Variants in ICA1L observed in about 807,000 individuals in gnomAD.
ICA1L encodes the protein islet cell autoantigen 1-like protein.
A neutral mutation model predicts 61.3 loss-of-function variants in ICA1L; 50 were observed. The ratio of observed to expected loss-of-function variants is 0.82; its 90% CI spans 0.65 to 1.03. ICA1L has a LOEUF of 1.03. Among genes scored for constraint, ICA1L ranks in the 50% least tolerant of loss-of-function variants. The pLI is 0.00. For missense variants in ICA1L, 508 were observed against 556.7 expected, an observed-to-expected ratio of 0.91 and a Z score of 0.88; for synonymous variants, 161 against 191.3, an observed-to-expected ratio of 0.84 and a Z score of 1.31.
chr2:202,796,806 TTTCTA>T, intron 10 of ICA1L, 79 bp downstream of exon 10: 1 of 784,804 alleles, frequency 1.3e-6, no homozygotes, highest in African/African-American at 1.7e-5. Context: ...ACCCAGACAG[TTTCTA>T]ATGTTAAGGA....
chr2:202,781,952 T>C (rs1692420662), intron 12 of ICA1L, among the ~76,000 whole-genome samples: 1 of 152,232 alleles, frequency 6.6e-6, no homozygotes, highest in Non-Finnish European at 1.5e-5. Context: ...TTAGCCATTG[T>C]AATAGGTAGG....
intron 1 of ICA1L, among the ~76,000 whole-genome samples, chr2:202,842,835 AT>A (rs1294531748): frequency 6.6e-6 from 1 of 151,986 alleles, no homozygotes; most frequent in Admixed American, 6.6e-5. Context: ...TCTAAGCTTC[AT>A]TTTTTCTTCT....
Position 202,828,969 on chromosome 2 carries a change from G to C in ICA1L, c.41C>G (p.Ser14Ter). ...FGQPRPEDNQ[S>*]VVRRMQKKYW... The stretch of plus-strand genomic sequence containing the variant: ...TTTCTTTTGCATTCTTCTGACTACT[G>C]ACTGATTATCTTCTGGTCTGGGTTG... Residue 14 changes from serine (S) to a stop codon, truncating the protein, a stop_gained, in exon 2 of 13, where the codon TCA (serine) becomes TGA (stop). Transcript: ENST00000358299. LOFTEE classifies it high-confidence loss of function. 1 of 1,605,936 alleles carries C rather than the reference G, an allele frequency of 6.2e-7. No homozygotes were observed. The highest frequency in any genetic ancestry group is 8.5e-7 in the Non-Finnish European group (1 of 1,176,270).
rs1350702462 is a variant in ICA1L at position 202,774,611 on chromosome 2, T to G, written c.*4922A>C. ...CACTGCATGCTGAGAGGGGGTCACA[T>G]GGGAGGGGGCTCAGCCAAGCAGGTG... On this transcript the variant is annotated 3_prime_UTR_variant, in exon 13 of 13. Transcript: ENST00000358299. 2 of 273,650 alleles carry G rather than the reference T, an allele frequency of 7.3e-6. No individual in the cohort carries two copies. The highest frequency in any genetic ancestry group is 1.4e-5 in the Non-Finnish European group (2 of 147,816). The allele number at this position is 273,650 out of a possible 1,614,324, so 17.0% of individuals were successfully genotyped here.
At chr2:202,821,058 T>C (rs116783850) in intron 4 of ICA1L, among the ~76,000 whole-genome samples, 2,437 of 152,310 alleles carry the variant, frequency 0.016, 28 homozygotes, top group Non-Finnish European at 0.023. Flanking sequence ...ACTGTTACAT[T>C]AAACCAGTTG....
At chr2:202,810,901 TC>T (rs1329646344) in intron 9 of ICA1L, among the ~76,000 whole-genome samples, 1 of 152,054 alleles carries the variant, frequency 6.6e-6, no homozygotes, top group Non-Finnish European at 1.5e-5. Flanking sequence ...ACGAGGAAAT[TC>T]CCGCTTAATA....
intron 12 of ICA1L, among the ~76,000 whole-genome samples, chr2:202,780,223 A>C (rs1255540085): frequency 6.6e-6 from 1 of 152,216 alleles, no homozygotes; most frequent in Non-Finnish European, 1.5e-5. Context: ...ATTAGACATA[A>C]GGGAAAAAAC....
chr2:202,800,462 T>C (rs1479294526), intron 9 of ICA1L, among the ~76,000 whole-genome samples: 1 of 152,180 alleles, frequency 6.6e-6, no homozygotes, highest in Non-Finnish European at 1.5e-5. Context: ...ACAAAAATAA[T>C]TGTGCCCTAT....
chr2:202,810,096 A>C (rs1693332636), intron 9 of ICA1L, among the ~76,000 whole-genome samples: 1 of 152,222 alleles, frequency 6.6e-6, no homozygotes, highest in African/African-American at 2.4e-5. Flanking sequence ...AAAAGCAGCA[A>C]AAGAAAAGAA....
At chr2:202,820,494 G>A (rs79909344) in intron 4 of ICA1L, among the ~76,000 whole-genome samples, 2 of 152,064 alleles carry the variant, frequency 1.3e-5, no homozygotes, top group African/African-American at 4.8e-5. Flanking sequence ...CTGCCATTTA[G>A]AAAACAGTTC....
At chr2:202,841,241 CTCA>C (rs1480711613) in intron 1 of ICA1L, 1 of 722,276 alleles carries the variant, frequency 1.4e-6, no homozygotes, top group Non-Finnish European at 2.5e-6. Flanking sequence ...TGATCTCATC[CTCA>C]TATTTGTTCT....
chr2:202,836,800 T>TATATATAGATATATAGATATATAG (rs1462443281), intron 1 of ICA1L, among the ~76,000 whole-genome samples: 5,966 of 145,778 alleles, frequency 0.041, 166 homozygotes, highest in Non-Finnish European at 0.065. Context: ...TATATCTATA[T>TATATATAGATATATAGATATATAG]ATATAGATAT....
chr2:202,809,540 C>T (rs1016168046), intron 9 of ICA1L, among the ~76,000 whole-genome samples: 17 of 151,730 alleles, frequency 1.1e-4, no homozygotes, highest in African/African-American at 3.1e-4. Context: ...TCCAGTTATT[C>T]GGGAGGCTGA....
intron 12 of ICA1L, among the ~76,000 whole-genome samples, chr2:202,781,674 G>A (rs922387264): frequency 6.6e-6 from 1 of 151,992 alleles, no homozygotes; most frequent in African/African-American, 2.4e-5. Context: ...CCCAGGGAAT[G>A]CCAGGGTAAA....
rs1177377403 is a variant in ICA1L at position 202,778,741 on chromosome 2, G to A, written c.*792C>T. ...ATATAGCAAGTGTATGAAAAAGTGG[G>A]TCTGAAGACACTTGTACAAGCCTTA... is the stretch of plus-strand genomic sequence containing the variant. On this transcript the variant is annotated 3_prime_UTR_variant, in exon 13 of 13. Transcript: ENST00000358299. The A allele has an allele frequency of 6.6e-6, 1 of 152,540 alleles. No homozygotes were observed. The highest frequency in any genetic ancestry group is 1.5e-5 in the Non-Finnish European group (1 of 68,024). 9.4% of individuals were successfully genotyped at this position (152,540 alleles called of 1,614,324 possible). A position where few individuals can be genotyped will look rare whatever the true frequency, so the allele number is the denominator to read the frequency against.
chr2:202,841,101 A>T (rs1455923575), intron 1 of ICA1L: 1 of 636,636 alleles, frequency 1.6e-6, no homozygotes, highest in Non-Finnish European at 3.0e-6. Context: ...CTCTTCATAC[A>T]GCTGCCCGAG....
chr2:202,818,644 G>A (rs896395335), intron 5 of ICA1L, among the ~76,000 whole-genome samples: 1 of 152,100 alleles, frequency 6.6e-6, no homozygotes, highest in African/African-American at 2.4e-5. Flanking sequence ...TAGTGAATAA[G>A]TCTCACGAGA....
At chr2:202,870,892 C>T (rs1023799026) in intron 1 of ICA1L, 1 of 152,226 alleles carries the variant, frequency 6.6e-6, no homozygotes, top group Non-Finnish European at 1.5e-5. Context: ...CCCTCTCCGT[C>T]TTCCTTAGAG....
chr2:202,792,638 A>T (rs764273771), intron 10 of ICA1L, among the ~76,000 whole-genome samples: 1 of 151,982 alleles, frequency 6.6e-6, no homozygotes, highest in Non-Finnish European at 1.5e-5. Flanking sequence ...CCCCATCTCT[A>T]CTAAAAATAT....
Sources: allele counts gnomAD v4.1 joint callset (sites outside exome capture counted in the v4.1 genomes callset), GRCh38; gene constraint gnomAD v4.1.1; transcripts MANE v1.5; gene names NCBI Gene and HGNC (gene_info 2026-07-23, HGNC 2026-07-21).